Variants in FGF14 observed in about 807,000 individuals in gnomAD.
FGF14 encodes the protein fibroblast growth factor 14.
FGF14 carries 5 observed loss-of-function variants against 25.5 expected under a neutral mutation model. The observed-to-expected ratio is 0.20, with a 90% CI of 0.10 to 0.41. The LOEUF (loss-of-function observed/expected upper bound fraction) is 0.41. Ranked by LOEUF, FGF14 falls within the 10% of genes least tolerant of loss-of-function variation. The pLI is 1.00. For missense variants in FGF14, 222 were observed against 320.1 expected, an observed-to-expected ratio of 0.69 and a Z score of 2.34; for synonymous variants, 138 against 118.3, an observed-to-expected ratio of 1.17 and a Z score of -1.08.
At chr13:102,195,206 T>A (rs1044065773) in intron 1 of FGF14, among the ~76,000 whole-genome samples, 1 of 152,144 alleles carries the variant, frequency 6.6e-6, no homozygotes, top group Non-Finnish European at 1.5e-5. Context: ...ACAATATAAA[T>A]AAGCATAAAA....
At chr13:101,889,035 A>G (rs550435613) in intron 1 of FGF14, among the ~76,000 whole-genome samples, 1 of 152,242 alleles carries the variant, frequency 6.6e-6, no homozygotes, top group African/African-American at 2.4e-5. Flanking sequence ...ACTACAGGTA[A>G]AAGACCACAG....
intron 3 of FGF14, among the ~76,000 whole-genome samples, chr13:101,778,178 C>T (rs1395385832): frequency 2.6e-5 from 4 of 152,076 alleles, no homozygotes; most frequent in Admixed American, 6.6e-5. Context: ...GTTATTTTAC[C>T]CAGTTGGAAC....
Position 102,176,810 on chromosome 13 carries a change from T to C in FGF14, c.208+224661A>G, listed in dbSNP as rs1264218319. ...TACCTTGATCATGGTGATGGTTTCA[T>C]GCGTAAATGCATTTGGCCAAATTCA... On this transcript the variant is annotated intron_variant, in intron 1 of 4. Coordinates refer to the FGF14 transcript ENST00000376131. 5.3e-5 allele frequency among the ~76,000 whole-genome samples: 8 copies of C among 152,304 alleles called. No individual in the cohort carries two copies. The East Asian group carries it at 1.5e-3, about 29-fold the overall frequency.
At chr13:102,394,445 GGAGCCCTAGCC>G in intron 1 of FGF14, 1 of 152,466 alleles carries the variant, frequency 6.6e-6, no homozygotes, top group South Asian at 2.1e-4. Context: ...TGCCAGGGCA[GGAGCCCTAGCC>G]CCGACCCGCG....
At chr13:102,019,078 A>G (rs879368881) in intron 1 of FGF14, among the ~76,000 whole-genome samples, 5 of 152,188 alleles carry the variant, frequency 3.3e-5, no homozygotes, top group Non-Finnish European at 7.3e-5. Context: ...TTTGCAAGGC[A>G]TCATGACAAT....
intron 1 of FGF14, among the ~76,000 whole-genome samples, chr13:102,049,916 C>T (rs2042148465): frequency 6.6e-6 from 1 of 152,144 alleles, no homozygotes; most frequent in South Asian, 2.1e-4. Context: ...GTACCAACCC[C>T]ACTCATGCCT....
At chr13:102,381,622 A>G (rs998923708) in intron 1 of FGF14, among the ~76,000 whole-genome samples, 1 of 152,202 alleles carries the variant, frequency 6.6e-6, no homozygotes, top group African/African-American at 2.4e-5. Flanking sequence ...GGGCTAAAAC[A>G]TGTTCTAGTT....
intron 1 of FGF14, among the ~76,000 whole-genome samples, chr13:102,240,715 T>C (rs961376337): frequency 6.6e-6 from 1 of 152,182 alleles, no homozygotes; most frequent in East Asian, 1.9e-4. Flanking sequence ...ATTGGAATGT[T>C]TGTAACACAT....
chr13:102,287,067 T>C (rs1290985479), intron 1 of FGF14, among the ~76,000 whole-genome samples: 2 of 152,128 alleles, frequency 1.3e-5, no homozygotes, highest in Non-Finnish European at 2.9e-5. Flanking sequence ...ACATGGCACA[T>C]GTATACATAT....
chr13:101,959,288 G>A (rs909797156), intron 1 of FGF14, among the ~76,000 whole-genome samples: 2 of 152,082 alleles, frequency 1.3e-5, no homozygotes, highest in Non-Finnish European at 2.9e-5. Flanking sequence ...GGCCATCAGG[G>A]TTGGAACCTC....
intron 1 of FGF14, among the ~76,000 whole-genome samples, chr13:102,207,642 A>AAT (rs2049989094): frequency 2.6e-5 from 4 of 150,994 alleles, no homozygotes; most frequent in Non-Finnish European, 1.5e-5. Flanking sequence ...AAAAAAAAAA[A>AAT]AAAAGACAGT....
In FGF14 at chr13:102,096,370, C is replaced by A. The variant is rs1177595603; in HGVS notation, c.209-221074G>T. On this transcript the variant is annotated intron_variant, in intron 1 of 4. Transcript: ENST00000376131. ...AAATGGTGACCAATGTCCTGGTATG[C>A]CAAGGACAGTCTGACTTATGCCTGT... Among the ~76,000 whole-genome samples the A allele has an allele frequency of 3.3e-5, 5 of 151,946 alleles. No individual in the cohort carries two copies. In the East Asian group the frequency reaches 9.7e-4, roughly 29 times the overall value.
chr13:102,233,699 A>G (rs529124179), intron 1 of FGF14, among the ~76,000 whole-genome samples: 4 of 152,318 alleles, frequency 2.6e-5, no homozygotes, highest in Non-Finnish European at 5.9e-5. Context: ...CTTCTATGAC[A>G]TCATACTGCC....
rs569977839 is a variant in FGF14, at chr13:102,130,694, G to A, written c.209-255398C>T. Among the ~76,000 whole-genome samples, 233 of 152,236 alleles carry A rather than the reference G, an allele frequency of 1.5e-3. 1 individual carries two copies. Among genetic ancestry groups the A allele is most frequent in the African/African-American group, 4.6e-3 (190 of 41,538 alleles). On this transcript the variant is annotated intron_variant, in intron 1 of 4. Transcript: ENST00000376131. ...AAGAAAAATAAAGTAAAAAGAGAGC[G>A]TACAAGGGAAAGCCAAATGCCCTAG...
chr13:101,832,074 G>T (rs531129340), intron 3 of FGF14, among the ~76,000 whole-genome samples: 1 of 152,012 alleles, frequency 6.6e-6, no homozygotes, highest in Non-Finnish European at 1.5e-5. Context: ...TTTATCATCT[G>T]GGTAAAGATT....
rs576659308 is a variant in FGF14 at position 101,870,380 on chromosome 13, G to A, written c.305-1552C>T. On this transcript the variant is annotated intron_variant, in intron 2 of 4. Coordinates refer to ENST00000376143, the MANE Select transcript of FGF14 (RefSeq NM_004115.4). ...TGATTTATACACAAAATTTTGGAGG[G>A]AAAACCATAATCATATGACTGTCCA... Among the ~76,000 whole-genome samples the A allele has an allele frequency of 1.5e-3, 232 of 152,016 alleles. 1 individual carries two copies. The highest frequency in any genetic ancestry group is 5.1e-3 in the African/African-American group (213 of 41,448).
chr13:101,829,367 A>C (rs780188188), intron 3 of FGF14, among the ~76,000 whole-genome samples: 2 of 152,114 alleles, frequency 1.3e-5, no homozygotes, highest in Non-Finnish European at 2.9e-5. Context: ...ATTTACAAAG[A>C]AGAAGCAACC....
At chr13:101,788,909 T>TAG (rs781347440) in intron 3 of FGF14, among the ~76,000 whole-genome samples, 55 of 31,212 alleles carry the variant, frequency 1.8e-3, no homozygotes, top group African/African-American at 4.3e-3. Context: ...TATATATATA[T>TAG]AGAGAGAGAG....
chr13:102,098,592 G>A (rs1441786503), intron 1 of FGF14, among the ~76,000 whole-genome samples: 1 of 152,194 alleles, frequency 6.6e-6, no homozygotes, highest in Non-Finnish European at 1.5e-5. Context: ...ACTGAGCTGT[G>A]AAATAAGCAA....
Sources: allele counts gnomAD v4.1 joint callset (sites outside exome capture counted in the v4.1 genomes callset), GRCh38; gene constraint gnomAD v4.1.1; transcripts MANE v1.5; gene names NCBI Gene and HGNC (gene_info 2026-07-23, HGNC 2026-07-21).